The following PALLD variants were observed in gnomAD, a reference collection of about 807,000 sequenced individuals.
The protein encoded by PALLD is palladin.
In PALLD, 61 loss-of-function variants were observed where a neutral mutation model predicts 123.5. The ratio of observed to expected loss-of-function variants is 0.49; its 90% CI spans 0.40 to 0.61. PALLD has a LOEUF of 0.61. Among genes scored for constraint, PALLD ranks in the 20% least tolerant of loss-of-function variants. The probability of loss-of-function intolerance (pLI) is 0.00; values close to 1 mark genes in which losing one functional copy is unlikely to be tolerated. For missense variants in PALLD, 1,273 were observed against 1,377.0 expected (o/e 0.92, Z 1.20); for synonymous variants, 465 against 496.4 (o/e 0.94, Z 0.84).
chr4:168,650,767 C>G (rs1031145037), intron 2 of PALLD, among the ~76,000 whole-genome samples: 5 of 152,194 alleles, frequency 3.3e-5, no homozygotes, highest in Middle Eastern at 3.4e-3. Context: ...TAGCTCCCAA[C>G]TGGAAAACTG....
intron 10 of PALLD, among the ~76,000 whole-genome samples, chr4:168,748,949 T>G (rs557090219): frequency 6.2e-4 from 94 of 152,306 alleles, no homozygotes; most frequent in Non-Finnish European, 1.2e-3. Context: ...GGGAGTGACC[T>G]TCCATCACCT....
At chr4:168,724,577 T>C (rs1786358503) in intron 10 of PALLD, among the ~76,000 whole-genome samples, 1 of 152,248 alleles carries the variant, frequency 6.6e-6, no homozygotes, top group African/African-American at 2.4e-5. Flanking sequence ...AGGAATTAGA[T>C]AGTATGTCAT....
intron 10 of PALLD, among the ~76,000 whole-genome samples, chr4:168,759,203 ATATATATAT>A (rs1247727711): frequency 2.0e-4 from 8 of 39,494 alleles, no homozygotes; most frequent in African/African-American, 4.0e-4. Context: ...AAAAAAAAAA[ATATATATAT>A]ATATATATAT....
intron 8 of PALLD, among the ~76,000 whole-genome samples, chr4:168,705,612 GT>G (rs1202574973): frequency 1.3e-5 from 2 of 152,120 alleles, no homozygotes; most frequent in Non-Finnish European, 2.9e-5. Context: ...CCATCACAGT[GT>G]TTTACTTAAA....
intron 2 of PALLD, among the ~76,000 whole-genome samples, chr4:168,652,177 C>T (rs892563068): frequency 6.6e-6 from 1 of 152,030 alleles, no homozygotes; most frequent in Admixed American, 6.6e-5. Flanking sequence ...TATGTGTGCA[C>T]CAATCCCAAG....
intron 8 of PALLD, among the ~76,000 whole-genome samples, chr4:168,699,800 AG>A (rs1245094183): frequency 6.6e-6 from 1 of 152,190 alleles, no homozygotes; most frequent in Non-Finnish European, 1.5e-5. Context: ...TTTCTGATTT[AG>A]TAATTTATTA....
At chr4:168,553,047 T>G (rs997594589) in intron 2 of PALLD, among the ~76,000 whole-genome samples, 2 of 152,142 alleles carry the variant, frequency 1.3e-5, no homozygotes, top group African/African-American at 4.8e-5. Context: ...CCTACAAACC[T>G]ATAACCCAAC....
intron 18 of PALLD, 98 bp from the exon 19 acceptor site, chr4:168,924,157 A>G (rs1762130427): frequency 9.4e-7 from 1 of 1,064,466 alleles, no homozygotes; most frequent in East Asian, 2.4e-5. Flanking sequence ...ATGGTATCAT[A>G]AAAGATCTAT....
At position 168,685,468 on chromosome 4, in the gene PALLD, TG is replaced by T. The variant is rs1430465256; in HGVS notation, c.1261-16del. ...TTATATATTTAGAATTTGATCCATA[TG>T]TCTCTGCTTTTGCAGGTTCACAGTC... is the stretch of plus-strand genomic sequence containing the variant. On this transcript the variant is annotated splice_polypyrimidine_tract_variant and intron_variant, in intron 5 of 21. Coordinates refer to ENST00000505667, the MANE Select transcript of PALLD (RefSeq NM_001166108.2). The T allele has an allele frequency of 6.4e-7, 1 of 1,556,918 alleles. No individual in the cohort carries two copies. The highest frequency in any genetic ancestry group is 1.4e-5 in the African/African-American group (1 of 73,490).
chr4:168,613,297 A>G (rs1490781169), intron 2 of PALLD, among the ~76,000 whole-genome samples: 1 of 152,228 alleles, frequency 6.6e-6, no homozygotes, highest in Non-Finnish European at 1.5e-5. Context: ...TTCATGCTCA[A>G]GATGAATAGA....
At chr4:168,536,753 G>A (rs1218098657) in intron 2 of PALLD, among the ~76,000 whole-genome samples, 1 of 152,052 alleles carries the variant, frequency 6.6e-6, no homozygotes, top group Non-Finnish European at 1.5e-5. Flanking sequence ...GACACTTGGG[G>A]ATTATGGGAT....
chr4:168,598,476 CAG>C, intron 2 of PALLD: 3 of 576,760 alleles, frequency 5.2e-6, no homozygotes, highest in Non-Finnish European at 1.0e-5. Flanking sequence ...AAGGTGTTAG[CAG>C]AGAGAGAAGA....
Position 168,921,726 on chromosome 4 carries a change from G to A in PALLD, c.3043G>A (p.Glu1015Lys). Residue 1015 changes from glutamate (E) to lysine (K), a missense_variant, in exon 18 of 22, where the codon GAG becomes AAG. Around this residue, in one of 2 missense-constraint regions of PALLD, gnomAD observed 329 missense variants for 422.5 expected, o/e 0.78. Coordinates refer to ENST00000505667, the MANE Select transcript of PALLD (RefSeq NM_001166108.2). ...NRAGQNSFSLELVVAAKEAHK... is the reference protein window; with the variant it reads ...NRAGQNSFSLKLVVAAKEAHK... ...AGCAGGACAGAACTCATTCAGCCTG[G>A]AGCTTGTGGTTGCTGGTAGGCTCAT... 1 of 1,611,408 alleles carries A rather than the reference G, an allele frequency of 6.2e-7. No individual in the cohort carries two copies. Among genetic ancestry groups the A allele is most frequent in the Middle Eastern group, 2.2e-4 (1 of 4,488 alleles).
At chr4:168,551,047 A>C (rs757638788) in intron 2 of PALLD, among the ~76,000 whole-genome samples, 1 of 152,226 alleles carries the variant, frequency 6.6e-6, no homozygotes, top group Non-Finnish European at 1.5e-5. Flanking sequence ...TATGCACTGT[A>C]GTGTATACCC....
chr4:168,904,999 C>T (rs1422005618), intron 15 of PALLD, among the ~76,000 whole-genome samples: 3 of 151,986 alleles, frequency 2.0e-5, no homozygotes, highest in East Asian at 2.0e-4. Flanking sequence ...TGGTGGTAGG[C>T]ACCTGTAATC....
At chr4:168,674,505 G>A (rs1780636844) in intron 3 of PALLD, among the ~76,000 whole-genome samples, 1 of 152,084 alleles carries the variant, frequency 6.6e-6, no homozygotes, top group African/African-American at 2.4e-5. Context: ...AAGCCCCCAG[G>A]GTGTGAGAGA....
At chr4:168,539,568 A>T (rs1251260871) in intron 2 of PALLD, among the ~76,000 whole-genome samples, 3 of 145,420 alleles carry the variant, frequency 2.1e-5, no homozygotes, top group Admixed American at 1.4e-4. Context: ...TCAAAAAATA[A>T]AAATAAATAA....
chr4:168,610,082 A>G (rs866424899), intron 2 of PALLD, among the ~76,000 whole-genome samples: 4 of 152,160 alleles, frequency 2.6e-5, no homozygotes, highest in Non-Finnish European at 4.4e-5. Context: ...TTGGTTCTTC[A>G]TAACTTCTTA....
chr4:168,547,823 G>A (rs1364036041), intron 2 of PALLD, among the ~76,000 whole-genome samples: 6 of 151,860 alleles, frequency 4.0e-5, no homozygotes, highest in Non-Finnish European at 5.9e-5. Context: ...GCGTGCGCCT[G>A]TAGTCCCAGC....
Sources: allele counts gnomAD v4.1 joint callset (sites outside exome capture counted in the v4.1 genomes callset), GRCh38; gene constraint gnomAD v4.1.1; regional missense constraint gnomAD v4.1.1; transcripts MANE v1.5; gene names NCBI Gene and HGNC (gene_info 2026-07-23, HGNC 2026-07-21).